PIBF1: variants seen among roughly 807,000 people sequenced by gnomAD.
PIBF1 encodes the protein progesterone-induced-blocking factor 1.
A neutral mutation model predicts 112.5 loss-of-function variants in PIBF1; 90 were observed. The ratio of observed to expected loss-of-function variants is 0.80; its 90% CI spans 0.67 to 0.95. The LOEUF (loss-of-function observed/expected upper bound fraction) is 0.95. Ranked by LOEUF, PIBF1 falls within the 40% of genes least tolerant of loss-of-function variation. The pLI is 0.00. For missense variants in PIBF1, 915 were observed against 852.3 expected (o/e 1.07, Z -0.92); for synonymous variants, 301 against 288.6 (o/e 1.04, Z -0.44).
intron 2 of PIBF1, among the ~76,000 whole-genome samples, chr13:72,785,692 A>G (rs1025479956): frequency 3.3e-5 from 5 of 152,142 alleles, no homozygotes; most frequent in Admixed American, 6.6e-5. Flanking sequence ...CATGAACTCC[A>G]TCTACCTTCA....
At chr13:73,014,789 G>A (rs2139071661) in intron 17 of PIBF1, among the ~76,000 whole-genome samples, 1 of 151,810 alleles carries the variant, frequency 6.6e-6, no homozygotes, top group South Asian at 2.1e-4. Context: ...GACCTCCTGG[G>A]CCCAAGTGAT....
In PIBF1 at chr13:72,801,428, A is replaced by G. The variant is rs554815561; in HGVS notation, c.672+3402A>G. Among the ~76,000 whole-genome samples the G allele has an allele frequency of 3.9e-5, 6 of 152,334 alleles. No homozygotes were observed. In the South Asian group the frequency reaches 1.0e-3, roughly 26 times the overall value. On this transcript the variant is annotated intron_variant, in intron 5 of 17. Transcript: ENST00000326291. Reference sequence around the variant, plus strand: ...AAAATATATGTAGGTACTATATTTTATCATTTACTACCATAAAATGTACAC... The same window carrying G: ...AAAATATATGTAGGTACTATATTTTGTCATTTACTACCATAAAATGTACAC...
chr13:72,842,827 ACT>A (rs950689879), intron 9 of PIBF1, among the ~76,000 whole-genome samples: 1 of 152,012 alleles, frequency 6.6e-6, no homozygotes, highest in African/African-American at 2.4e-5. Context: ...TCTGCAGATA[ACT>A]CTCTCAGCAT....
At chr13:72,786,209 C>G (rs750519875) in intron 2 of PIBF1, among the ~76,000 whole-genome samples, 1 of 152,132 alleles carries the variant, frequency 6.6e-6, no homozygotes, top group Non-Finnish European at 1.5e-5. Flanking sequence ...TATTTTTCTA[C>G]TTCCATGGTG....
rs141517287 is a variant in PIBF1, at chr13:72,923,245, C to T, written c.1730+6079C>T. Among the ~76,000 whole-genome samples, 654 of 152,332 alleles carry T rather than the reference C, an allele frequency of 4.3e-3. 3 individuals carry two copies. Among genetic ancestry groups the T allele is most frequent in the Non-Finnish European group, 7.4e-3 (500 of 68,024 alleles). On this transcript the variant is annotated intron_variant, in intron 13 of 17. Transcript: ENST00000326291. ...TATAAACAAAACTCTGTCATGTCCACATTTGCTAGGCTAAAAATGTTAGGA... is the reference window on the plus strand; with the variant it reads ...TATAAACAAAACTCTGTCATGTCCATATTTGCTAGGCTAAAAATGTTAGGA...
chr13:72,869,597 C>T (rs2039073379), intron 10 of PIBF1, among the ~76,000 whole-genome samples: 1 of 150,098 alleles, frequency 6.7e-6, no homozygotes, highest in Admixed American at 6.7e-5. Flanking sequence ...GCACATGTAC[C>T]CTAAAACTTA....
intron 14 of PIBF1, among the ~76,000 whole-genome samples, chr13:72,934,349 A>G (rs946654680): frequency 6.6e-6 from 1 of 152,088 alleles, no homozygotes; most frequent in African/African-American, 2.4e-5. Flanking sequence ...CCCAGGCTAG[A>G]GTGCAGTGGT....
intron 10 of PIBF1, among the ~76,000 whole-genome samples, chr13:72,862,490 A>G (rs2138376627): frequency 6.6e-6 from 1 of 152,292 alleles, no homozygotes; most frequent in Middle Eastern, 3.4e-3. Context: ...TTCCATAATA[A>G]TACTTTATTT....
At chr13:72,965,443 C>T in intron 15 of PIBF1, 39 bp downstream of exon 15, 1 of 1,512,788 alleles carries the variant, frequency 6.6e-7, no homozygotes, top group African/African-American at 1.4e-5. Flanking sequence ...ATAATAAAGA[C>T]ATTGTTACCA....
In PIBF1 at chr13:72,840,481, C is replaced by T. The variant is rs148865348; in HGVS notation, c.1223+5113C>T. Among the ~76,000 whole-genome samples, 65 of 150,348 alleles carry T rather than the reference C, an allele frequency of 4.3e-4. 1 individual carries two copies. In the East Asian group the frequency reaches 0.012, roughly 28 times the overall value. On this transcript the variant is annotated intron_variant, in intron 9 of 17. Coordinates refer to ENST00000326291, the MANE Select transcript of PIBF1 (RefSeq NM_006346.4). ...AGTTGAAATGGATGAAGTACTTACA[C>T]TTGCATATTTATATTTGGTCTCCTT...
chr13:72,994,112 CAAAAAAAAAAG>C (rs199866508), intron 16 of PIBF1, among the ~76,000 whole-genome samples: 1 of 100,244 alleles, frequency 1.0e-5, no homozygotes, highest in African/African-American at 4.2e-5. Context: ...GAACCTGTCT[CAAAAAAAAAAG>C]AAAAAAAAAG....
chr13:72,824,621 G>A (rs1422130499), intron 6 of PIBF1, among the ~76,000 whole-genome samples: 1 of 152,070 alleles, frequency 6.6e-6, no homozygotes, highest in Admixed American at 6.6e-5. Flanking sequence ...ATGCATGTAA[G>A]AATGACCATT....
In PIBF1 at chr13:72,986,166, C is replaced by T. The variant is rs143331822; in HGVS notation, c.2049+12491C>T. On this transcript the variant is annotated intron_variant, in intron 16 of 17. Coordinates refer to ENST00000326291, the MANE Select transcript of PIBF1 (RefSeq NM_006346.4). Reference sequence around the variant, plus strand: ...CAAGAGTGAGACCCTATCTCAAAAACAAAACAAAAAAGAAGGAAAAAAAAA... The same window carrying T: ...CAAGAGTGAGACCCTATCTCAAAAATAAAACAAAAAAGAAGGAAAAAAAAA... Among the ~76,000 whole-genome samples, 846 of 150,576 alleles carry T rather than the reference C, an allele frequency of 5.6e-3. 9 individuals are homozygous for T. Among genetic ancestry groups the T allele is most frequent in the African/African-American group, 0.02 (814 of 40,996 alleles).
intron 14 of PIBF1, among the ~76,000 whole-genome samples, chr13:72,934,454 C>T (rs1003859687): frequency 6.6e-5 from 10 of 152,082 alleles, no homozygotes; most frequent in East Asian, 1.9e-4. Flanking sequence ...CACGCCACCA[C>T]GCTGGGCTAA....
At chr13:73,007,478 C>T (rs1042059756) in intron 17 of PIBF1, among the ~76,000 whole-genome samples, 2 of 152,018 alleles carry the variant, frequency 1.3e-5, no homozygotes, top group African/African-American at 4.8e-5. Context: ...CAAGAGCCAG[C>T]AAACTCTATT....
Position 73,015,967 on chromosome 13 carries a change from C to A in PIBF1, c.*48C>A. On this transcript the variant is annotated 3_prime_UTR_variant, in exon 18 of 18. Transcript: ENST00000326291. ...TAGACCATTATATACTCCTGAAGTT[C>A]TTTTTCTGATGGAAAACAAAATTCA... 3.3e-6 allele frequency: 4 copies of A among 1,196,360 alleles called. No homozygotes were observed. The highest frequency in any genetic ancestry group is 3.4e-6 in the Non-Finnish European group (3 of 872,506). 74.1% of individuals were successfully genotyped at this position (1,196,360 alleles called of 1,614,324 possible). A position where few individuals can be genotyped will look rare whatever the true frequency, so the allele number is the denominator to read the frequency against.
At chr13:72,967,429 A>G (rs1371287218) in intron 15 of PIBF1, among the ~76,000 whole-genome samples, 1 of 152,200 alleles carries the variant, frequency 6.6e-6, no homozygotes, top group African/African-American at 2.4e-5. Flanking sequence ...TGTAGGAGAA[A>G]ATTATAAAGA....
chr13:72,828,012 G>A, intron 8 of PIBF1, 98 bp downstream of exon 8: 1 of 650,462 alleles, frequency 1.5e-6, no homozygotes, highest in Non-Finnish European at 2.4e-6. Flanking sequence ...ATTTTTTTAA[G>A]GTCTATTCTA....
intron 11 of PIBF1, 72 bp from the exon 12 acceptor site, chr13:72,908,459 T>C: frequency 1.1e-6 from 1 of 927,870 alleles, no homozygotes; most frequent in Non-Finnish European, 1.6e-6. Flanking sequence ...ATGAATGTCT[T>C]TGCATCATGT....
Sources: allele counts gnomAD v4.1 joint callset (sites outside exome capture counted in the v4.1 genomes callset), GRCh38; gene constraint gnomAD v4.1.1; transcripts MANE v1.5; gene names NCBI Gene and HGNC (gene_info 2026-07-23, HGNC 2026-07-21).